The following DLGAP2 variants were observed in gnomAD, a reference collection of about 807,000 sequenced individuals.
DLGAP2 encodes the protein disks large-associated protein 2.
In DLGAP2, 26 loss-of-function variants were observed where a neutral mutation model predicts 100.3. The ratio of observed to expected loss-of-function variants is 0.26; its 90% CI spans 0.19 to 0.36. The LOEUF (loss-of-function observed/expected upper bound fraction) is 0.36, where lower values mean the gene tolerates loss of function less well. Ranked by LOEUF, DLGAP2 falls within the 10% of genes least tolerant of loss-of-function variation. DLGAP2 has a pLI of 1.00. For missense variants in DLGAP2, 1,858 were observed against 1,453.2 expected, an observed-to-expected ratio of 1.28 and a Z score of -4.53; for synonymous variants, 886 against 630.1, an observed-to-expected ratio of 1.41 and a Z score of -6.08.
intron 1 of DLGAP2, among the ~76,000 whole-genome samples, chr8:849,035 GCCTGTTCCAGTATAGGATGTGCC>G: frequency 6.6e-6 from 1 of 151,942 alleles, no homozygotes; most frequent in Non-Finnish European, 1.5e-5. Flanking sequence ...AATGTGCGGT[GCCTGTTCCAGTATAGGATGTGCC>G]GTGTCTGTTC....
chr8:1,458,277 AG>A (rs1199657937), intron 3 of DLGAP2, among the ~76,000 whole-genome samples: 1 of 151,880 alleles, frequency 6.6e-6, no homozygotes, highest in Admixed American at 6.6e-5. Context: ...AAAATTTTTG[AG>A]TTTTTAAAAT....
chr8:1,105,144 A>G (rs1804715273), intron 2 of DLGAP2: 1 of 152,230 alleles, frequency 6.6e-6, no homozygotes. Flanking sequence ...CTCATACTTT[A>G]TCCTGAGATT....
At chr8:1,280,114 G>C (rs1215119904) in intron 3 of DLGAP2, among the ~76,000 whole-genome samples, 1 of 152,184 alleles carries the variant, frequency 6.6e-6, no homozygotes, top group Admixed American at 6.5e-5. Flanking sequence ...GACCTTAACT[G>C]ATCCCCAGAT....
At position 872,328 on chromosome 8, in the gene DLGAP2, C is replaced by CTTTTT. The variant is rs770291812; in HGVS notation, c.19-35580_19-35579insTTTTT. On this transcript the variant is annotated intron_variant, in intron 1 of 14. Coordinates refer to ENST00000637795, the MANE Select transcript of DLGAP2 (RefSeq NM_001346810.2). ...AACAGAGGAAAGTTTTCTCTCACTT[C>CTTTTT]TTTTCTTTTTTTTTTTTTTTTTGAG... 1.9e-4 allele frequency among the ~76,000 whole-genome samples: 25 copies of CTTTTT among 129,510 alleles called. 6 individuals carry two copies. The highest frequency in any genetic ancestry group is 2.1e-4 in the Non-Finnish European group (13 of 60,642). 85.0% of individuals were successfully genotyped at this position (129,510 alleles called of 152,430 possible). A position where few individuals can be genotyped will look rare whatever the true frequency, so the allele number is the denominator to read the frequency against.
chr8:952,957 CT>C (rs1351795203), intron 2 of DLGAP2, among the ~76,000 whole-genome samples: 2 of 152,094 alleles, frequency 1.3e-5, no homozygotes, highest in Non-Finnish European at 2.9e-5. Context: ...CTGTTTTATG[CT>C]TTGGAAGGTT....
intron 2 of DLGAP2, among the ~76,000 whole-genome samples, chr8:970,332 A>T (rs113624959): frequency 0.018 from 2,674 of 152,298 alleles, 78 homozygotes; most frequent in African/African-American, 0.061. Context: ...TATATATTTT[A>T]TTTTTAAAAA....
chr8:821,288 C>G (rs530008348), intron 1 of DLGAP2, among the ~76,000 whole-genome samples: 1 of 152,136 alleles, frequency 6.6e-6, no homozygotes, highest in Non-Finnish European at 1.5e-5. Context: ...GTCAATATAA[C>G]ATGATCATAG....
intron 3 of DLGAP2, among the ~76,000 whole-genome samples, chr8:1,441,265 C>G (rs758316205): frequency 2.0e-5 from 3 of 152,116 alleles, no homozygotes; most frequent in Non-Finnish European, 4.4e-5. Flanking sequence ...TACTGCTTAT[C>G]GTTGTATTTT....
At chr8:897,620 C>T (rs1231882552) in intron 1 of DLGAP2, among the ~76,000 whole-genome samples, 1 of 152,140 alleles carries the variant, frequency 6.6e-6, no homozygotes, top group Non-Finnish European at 1.5e-5. Context: ...CTCCCAAGAC[C>T]CGGCACCCCC....
chr8:1,202,994 G>T (rs1265095621), intron 2 of DLGAP2, among the ~76,000 whole-genome samples: 1 of 152,140 alleles, frequency 6.6e-6, no homozygotes, highest in African/African-American at 2.4e-5. Flanking sequence ...GGTGATTGCA[G>T]AGTTCTCCTC....
At chr8:820,533 C>T (rs1796564589) in intron 1 of DLGAP2, among the ~76,000 whole-genome samples, 1 of 152,162 alleles carries the variant, frequency 6.6e-6, no homozygotes, top group Non-Finnish European at 1.5e-5. Flanking sequence ...ACAGTTTACA[C>T]AGAAATTTGT....
intron 1 of DLGAP2, among the ~76,000 whole-genome samples, chr8:897,142 A>C (rs1342140243): frequency 2.6e-5 from 4 of 152,086 alleles, no homozygotes; most frequent in Non-Finnish European, 5.9e-5. Flanking sequence ...CACTGTGACA[A>C]ACGCTGATGT....
At chr8:1,250,670 A>T (rs1245578288) in intron 2 of DLGAP2, 1 of 152,068 alleles carries the variant, frequency 6.6e-6, no homozygotes, top group African/African-American at 2.4e-5. Flanking sequence ...CCTACCGTTC[A>T]TTGCTTTATT....
chr8:1,463,100 T>A (rs2130162209), intron 3 of DLGAP2, among the ~76,000 whole-genome samples: 1 of 152,136 alleles, frequency 6.6e-6, no homozygotes, highest in South Asian at 2.1e-4. Context: ...AATACAAAAA[T>A]TAGCCTGGCG....
chr8:1,358,796 C>A (rs544838350), intron 3 of DLGAP2, among the ~76,000 whole-genome samples: 18 of 152,228 alleles, frequency 1.2e-4, no homozygotes, highest in African/African-American at 4.3e-4. Flanking sequence ...GGCCTGGAAC[C>A]GAACTGCCTG....
At chr8:936,305 A>T (rs927077727) in intron 2 of DLGAP2, among the ~76,000 whole-genome samples, 2 of 152,202 alleles carry the variant, frequency 1.3e-5, no homozygotes, top group Non-Finnish European at 2.9e-5. Flanking sequence ...GTGGCCACAC[A>T]TGCTTCTACA....
chr8:1,001,282 C>T (rs1463218358), intron 2 of DLGAP2, among the ~76,000 whole-genome samples: 1 of 152,146 alleles, frequency 6.6e-6, no homozygotes, highest in African/African-American at 2.4e-5. Context: ...CTGTCAGAAG[C>T]CTGAGAACTT....
intron 2 of DLGAP2, among the ~76,000 whole-genome samples, chr8:1,208,009 G>A (rs773204183): frequency 5.9e-5 from 9 of 152,000 alleles, no homozygotes; most frequent in East Asian, 1.9e-4. Flanking sequence ...TCTCCCACTC[G>A]GTGGGTTGTC....
At chr8:816,861 G>A (rs574567297) in intron 1 of DLGAP2, among the ~76,000 whole-genome samples, 2 of 152,234 alleles carry the variant, frequency 1.3e-5, no homozygotes, top group African/African-American at 4.8e-5. Flanking sequence ...ATTATTCTTA[G>A]GTTTGGACAT....
Sources: allele counts gnomAD v4.1 joint callset (sites outside exome capture counted in the v4.1 genomes callset), GRCh38; gene constraint gnomAD v4.1.1; transcripts MANE v1.5; gene names NCBI Gene and HGNC (gene_info 2026-07-23, HGNC 2026-07-21).